CNN1: variants seen among roughly 807,000 people sequenced by gnomAD.
CNN1 encodes calponin-1.
In CNN1, 21 loss-of-function variants were observed where a neutral mutation model predicts 35.3. The ratio of observed to expected loss-of-function variants is 0.60; its 90% CI spans 0.42 to 0.86. The LOEUF (loss-of-function observed/expected upper bound fraction) is 0.86. CNN1 is among the 40% of genes least tolerant of loss of function. CNN1 has a pLI of 0.00. For missense variants in CNN1, 314 were observed against 400.8 expected (o/e 0.78, Z 1.85); for synonymous variants, 164 against 161.8 (o/e 1.01, Z -0.10).
At chr19:11,545,511 G>T in intron 2 of CNN1, among the ~76,000 whole-genome samples, 1 of 137,876 alleles carries the variant, frequency 7.3e-6, no homozygotes, top group Non-Finnish European at 1.6e-5. Flanking sequence ...GGGGAGTCTG[G>T]AGGGGGAAGC....
Position 11,549,987 on chromosome 19 carries a change from T to C in CNN1, c.*192T>C. The C allele has an allele frequency of 1.3e-6, 1 of 787,544 alleles. No individual in the cohort carries two copies. Among genetic ancestry groups the C allele is most frequent in the Non-Finnish European group, 2.0e-6 (1 of 509,962 alleles). The allele number at this position is 787,544 out of a possible 1,614,324, so 48.8% of individuals were successfully genotyped here. On this transcript the variant is annotated 3_prime_UTR_variant, in exon 7 of 7. Transcript: ENST00000252456. The surrounding 1 kb of genome is among the most constrained non-coding windows in gnomAD (Gnocchi z 5.2). ...CATTGGGGGGAAGGGGACCCTCCGC[T>C]CTGTAGTGCTACAGGGTCCAACATA... is the stretch of plus-strand genomic sequence containing the variant.
Position 11,546,948 on chromosome 19 carries a change from C to T in CNN1, c.369C>T (p.Thr123=). 5 of 1,614,220 alleles carry T rather than the reference C, an allele frequency of 3.1e-6. No individual in the cohort carries two copies. Among genetic ancestry groups the T allele is most frequent in the Non-Finnish European group, 4.2e-6 (5 of 1,180,048 alleles). The part of the protein sequence containing the change: ...ENTNHTQVQS[T]LLALASMAKT... ...CCAACCATACACAGGTGCAGTCCAC[C>T]CTCCTGGCTTTGGCCAGCATGGTGA... is the stretch of plus-strand genomic sequence containing the variant. The change falls in exon 4 of 7, where the codon ACC becomes ACT. Residue 123 remains threonine (T), a synonymous_variant. Transcript: ENST00000252456.
chr19:11,539,336 A>C, intron 1 of CNN1: 1 of 1,088,130 alleles, frequency 9.2e-7, no homozygotes, highest in African/African-American at 1.7e-5. Flanking sequence ...CGGCCTGACA[A>C]AGAAATTGGG....
intron 2 of CNN1, among the ~76,000 whole-genome samples, chr19:11,542,929 A>G (rs1972498312): frequency 6.6e-6 from 1 of 152,148 alleles, no homozygotes; most frequent in Non-Finnish European, 1.5e-5. Flanking sequence ...CCCGATCTGC[A>G]TTTGAGTCTG....
chr19:11,538,857 G>A lies in CNN1; in HGVS notation c.-71G>A. On this transcript the variant is annotated 5_prime_UTR_variant, in exon 1 of 7. Coordinates refer to ENST00000252456, the MANE Select transcript of CNN1 (RefSeq NM_001299.6). The stretch of plus-strand genomic sequence containing the variant: ...TGTGAGGAGGGAAGAGTGTGCAGAC[G>A]GAACTTCAGCCGCTGCCTCTGTTCT... 1.5e-6 allele frequency: 2 copies of A among 1,326,128 alleles called. No individual in the cohort carries two copies. Among genetic ancestry groups the A allele is most frequent in the Non-Finnish European group, 2.0e-6 (2 of 990,438 alleles). 82.1% of individuals were successfully genotyped at this position (1,326,128 alleles called of 1,614,324 possible).
rs1972654447 is a variant in CNN1, at chr19:11,549,106, T to C, written c.502-217T>C. Among the ~76,000 whole-genome samples, 1 of 151,194 alleles carries C rather than the reference T, an allele frequency of 6.6e-6. No homozygotes were observed. Among genetic ancestry groups the C allele is most frequent in the Admixed American group, 6.6e-5 (1 of 15,162 alleles). Reference sequence around the variant, plus strand: ...CGGAGGCTGAGGCAGGAGAATTGCTTGAATGTGCAAGATGGAGATTTCAGT... The same window carrying C: ...CGGAGGCTGAGGCAGGAGAATTGCTCGAATGTGCAAGATGGAGATTTCAGT... On this transcript the variant is annotated intron_variant, in intron 5 of 6. Coordinates refer to ENST00000252456, the MANE Select transcript of CNN1 (RefSeq NM_001299.6). This position sits in a 1 kb window ranked among gnomAD's most constrained non-coding sequence, Gnocchi z 5.2.
At chr19:11,541,317 G>C (rs1972457840) in intron 2 of CNN1, 120 bp downstream of exon 2, 1 of 1,319,232 alleles carries the variant, frequency 7.6e-7, no homozygotes, top group South Asian at 1.7e-5. Flanking sequence ...GATACCTTTG[G>C]GGTGGCCAGT....
At chr19:11,539,065 AC>A in intron 1 of CNN1, 75 bp downstream of exon 1, 1 of 1,300,856 alleles carries the variant, frequency 7.7e-7, no homozygotes, top group Non-Finnish European at 1.0e-6. Context: ...GGTCCCTTGA[AC>A]CCCCTCCTGC....
At chr19:11,539,982 G>A (rs1972423348) in intron 1 of CNN1, 4 of 1,063,696 alleles carry the variant, frequency 3.8e-6, no homozygotes, top group Non-Finnish European at 4.6e-6. Context: ...GCTTTATAAA[G>A]CCGGGCTGGT....
At position 11,549,807 on chromosome 19, in the gene CNN1, C is replaced by T. The variant is rs201473881; in HGVS notation, c.*12C>T. On this transcript the variant is annotated 3_prime_UTR_variant, in exon 7 of 7. Transcript: ENST00000252456. This position sits in a 1 kb window ranked among gnomAD's most constrained non-coding sequence, Gnocchi z 5.2. ...ACAATTCCGCCTAGGGCCACAAGGC[C>T]TTCCCTGTTTTCCCCCCAAGGGAGG... 1.9e-6 allele frequency: 3 copies of T among 1,589,990 alleles called. No individual in the cohort carries two copies. The African/African-American group carries it at 4.0e-5, about 21-fold the overall frequency.
rs149799460 is a variant in CNN1 at position 11,545,157 on chromosome 19, C to T, written c.186-1518C>T. On this transcript the variant is annotated intron_variant, in intron 2 of 6. Transcript: ENST00000252456. Reference sequence around the variant, plus strand: ...CAGAGGTTGCAGTGAGCCGAGATCCCGCCACTGCCTTCCAGCCTGAGTGAC... The same window carrying T: ...CAGAGGTTGCAGTGAGCCGAGATCCTGCCACTGCCTTCCAGCCTGAGTGAC... Among the ~76,000 whole-genome samples the T allele has an allele frequency of 8.3e-3, 1,248 of 150,978 alleles. 23 individuals carry two copies. The highest frequency in any genetic ancestry group is 0.082 in the East Asian group (416 of 5,078).
intron 4 of CNN1, among the ~76,000 whole-genome samples, 179 bp from the exon 5 acceptor site, chr19:11,547,618 C>G (rs1323180123): frequency 6.6e-6 from 1 of 152,074 alleles, no homozygotes; most frequent in African/African-American, 2.4e-5. Flanking sequence ...GAGACTGATG[C>G]AGGAGAATGG....
intron 1 of CNN1, chr19:11,539,211 A>G: frequency 7.9e-7 from 1 of 1,273,872 alleles, no homozygotes; most frequent in Non-Finnish European, 1.0e-6. Flanking sequence ...GCCACACATA[A>G]ACAGAGGGGG....
intron 2 of CNN1, among the ~76,000 whole-genome samples, chr19:11,544,153 G>C (rs887972904): frequency 2.0e-5 from 3 of 151,668 alleles, no homozygotes; most frequent in African/African-American, 7.3e-5. Flanking sequence ...TAAGTGTCCT[G>C]GGGAAAACTC....
rs371738754 is a variant in CNN1, at chr19:11,549,768, C to T, written c.867C>T (p.His289=). Residue 289 remains histidine, a synonymous_variant, in exon 7 of 7, where the codon CAC becomes CAT. Coordinates refer to ENST00000252456, the MANE Select transcript of CNN1 (RefSeq NM_001299.6). This position sits in a 1 kb window ranked among gnomAD's most constrained non-coding sequence, Gnocchi z 5.2. ...TGGGTGAGCCCGCCCACAACCACCA[C>T]GCACACAACTACTACAATTCCGCCT... ...PELGEPAHNH[H]AHNYYNSA 127 of 1,612,954 alleles carry T rather than the reference C, an allele frequency of 7.9e-5. No individual in the cohort carries two copies. In the Middle Eastern group the frequency reaches 9.9e-4, roughly 13 times the overall value.
chr19:11,540,247 A>C (rs1972430788), intron 1 of CNN1: 1 of 185,142 alleles, frequency 5.4e-6, no homozygotes, highest in Non-Finnish European at 1.0e-5. Flanking sequence ...CAGACGGGGG[A>C]GGGCGAGCCA....
chr19:11,546,640 G>T (rs759226791), intron 2 of CNN1, 35 bp from the exon 3 acceptor site: 8 of 1,613,052 alleles, frequency 5.0e-6, no homozygotes, highest in Non-Finnish European at 6.8e-6. Flanking sequence ...AACCCTGGGG[G>T]GACACCTTTC....
intron 1 of CNN1, chr19:11,540,016 G>A (rs879649084): frequency 1.4e-4 from 149 of 1,064,162 alleles, no homozygotes; most frequent in Non-Finnish European, 1.7e-4. Context: ...GCAGGGCCAG[G>A]GCCAGGTGAG....
At chr19:11,539,868 T>TCC (rs983274797) in intron 1 of CNN1, 1 of 1,150,256 alleles carries the variant, frequency 8.7e-7, no homozygotes, top group African/African-American at 1.7e-5. Flanking sequence ...GCCGCCCTCC[T>TCC]CCCCCCCAGC....
Sources: allele counts gnomAD v4.1 joint callset (sites outside exome capture counted in the v4.1 genomes callset), GRCh38; gene constraint gnomAD v4.1.1; non-coding constraint Gnocchi (gnomAD v3.1); transcripts MANE v1.5; gene names NCBI Gene and HGNC (gene_info 2026-07-23, HGNC 2026-07-21).